Variants in DDX10 observed in about 807,000 individuals in gnomAD.
DDX10 encodes the protein probable ATP-dependent RNA helicase DDX10.
DDX10 carries 74 observed loss-of-function variants against 104.3 expected under a neutral mutation model. The observed-to-expected ratio is 0.71, with a 90% confidence interval of 0.59 to 0.86. DDX10 has a LOEUF of 0.86. Ranked by LOEUF, DDX10 falls within the 40% of genes least tolerant of loss-of-function variation. The pLI is 0.00. For missense variants in DDX10, 952 were observed against 1,040.0 expected, an observed-to-expected ratio of 0.92 and a Z score of 1.16; for synonymous variants, 351 against 353.4, an observed-to-expected ratio of 0.99 and a Z score of 0.08.
At chr11:108,786,172 T>C (rs1176883966) in intron 13 of DDX10, among the ~76,000 whole-genome samples, 1 of 152,130 alleles carries the variant, frequency 6.6e-6, no homozygotes, top group African/African-American at 2.4e-5. Context: ...AGAAATCTTC[T>C]TTATCAATTT....
At chr11:108,788,980 G>A (rs995243139) in intron 13 of DDX10, among the ~76,000 whole-genome samples, 2 of 152,162 alleles carry the variant, frequency 1.3e-5, no homozygotes, top group African/African-American at 4.8e-5. Flanking sequence ...GGCTCTCTCA[G>A]GCAGGGGCAG....
rs1256927615 is a variant in DDX10, at chr11:108,677,338, C to T, written c.537+95C>T. On this transcript the variant is annotated intron_variant, in intron 4 of 17. Transcript: ENST00000322536. ...GGAGGCAGCAGAGACTTCATCTAAA[C>T]AGACTGACCTAGACCAGGGCCTCAT... 17 of 1,159,366 alleles carry T rather than the reference C, an allele frequency of 1.5e-5. No homozygotes were observed. The Admixed American group carries it at 2.0e-4, about 14-fold the overall frequency. 71.8% of individuals were successfully genotyped at this position (1,159,366 alleles called of 1,614,324 possible). A position where few individuals can be genotyped will look rare whatever the true frequency, so the allele number is the denominator to read the frequency against.
chr11:108,675,392 C>T (rs993849225), intron 2 of DDX10, among the ~76,000 whole-genome samples: 18 of 152,096 alleles, frequency 1.2e-4, no homozygotes, highest in Non-Finnish European at 1.8e-4. Context: ...ATAAAGACAC[C>T]GTTTGTGTTG....
At chr11:108,889,533 A>G (rs1863346459) in intron 16 of DDX10, among the ~76,000 whole-genome samples, 1 of 152,072 alleles carries the variant, frequency 6.6e-6, no homozygotes, top group Admixed American at 6.5e-5. Flanking sequence ...TTTGCTTCAG[A>G]TTACTTTTTA....
chr11:108,911,139 C>T (rs541119384), intron 16 of DDX10, among the ~76,000 whole-genome samples: 31 of 152,134 alleles, frequency 2.0e-4, no homozygotes, highest in Non-Finnish European at 3.8e-4. Flanking sequence ...TCTAGAACAG[C>T]TCATTTTGTT....
chr11:108,780,436 C>T (rs1046285130), intron 13 of DDX10, among the ~76,000 whole-genome samples: 7 of 152,070 alleles, frequency 4.6e-5, no homozygotes, highest in Admixed American at 2.0e-4. Context: ...TTTTTCTTCT[C>T]TGTGCTTCCC....
chr11:108,853,895 G>T (rs557255720), intron 16 of DDX10, among the ~76,000 whole-genome samples: 1 of 152,214 alleles, frequency 6.6e-6, no homozygotes, highest in South Asian at 2.1e-4. Context: ...AGAAAGAAGA[G>T]CTGACATGGC....
chr11:108,844,758 T>G (rs1203400315), intron 15 of DDX10, among the ~76,000 whole-genome samples: 5 of 152,166 alleles, frequency 3.3e-5, no homozygotes, highest in Non-Finnish European at 7.3e-5. Flanking sequence ...TGGGACTTAG[T>G]GCCAGATGTC....
chr11:108,841,756 G>A lies in DDX10; in HGVS notation c.2247+280G>A, dbSNP rs1390161463. Among the ~76,000 whole-genome samples, 3 of 152,096 alleles carry A rather than the reference G, an allele frequency of 2.0e-5. No homozygotes were observed. In the East Asian group the frequency reaches 5.8e-4, roughly 29 times the overall value. On this transcript the variant is annotated intron_variant, in intron 15 of 17. Transcript: ENST00000322536. ...GTTATTATTACAGTTTTTATTTTGAGATAATTGTGGTTTCACTTGTAGTTG... is the reference window on the plus strand; with the variant it reads ...GTTATTATTACAGTTTTTATTTTGAAATAATTGTGGTTTCACTTGTAGTTG...
rs538310129 is a variant in DDX10 at position 108,790,671 on chromosome 11, T to C, written c.1966-47775T>C. The stretch of plus-strand genomic sequence containing the variant: ...TGTAGGTGTACTCAGATGCATGCAT[T>C]TGTGGCCAAGACATTTCTGTCATAC... On this transcript the variant is annotated intron_variant, in intron 13 of 17. Transcript: ENST00000322536. Among the ~76,000 whole-genome samples, 4 of 152,318 alleles carry C rather than the reference T, an allele frequency of 2.6e-5. No individual in the cohort carries two copies. In the East Asian group the frequency reaches 5.8e-4, roughly 22 times the overall value.
intron 13 of DDX10, among the ~76,000 whole-genome samples, chr11:108,744,744 A>G (rs563909312): frequency 6.6e-6 from 1 of 152,352 alleles, no homozygotes; most frequent in South Asian, 2.1e-4. Context: ...GTTAAGTGAA[A>G]TGATACAAGA....
At chr11:108,861,748 A>G (rs1047201659) in intron 16 of DDX10, among the ~76,000 whole-genome samples, 5 of 152,174 alleles carry the variant, frequency 3.3e-5, no homozygotes, top group African/African-American at 1.2e-4. Context: ...GTGAAAACTC[A>G]TCAAGCTATA....
chr11:108,738,399 T>G (rs1004825338), intron 13 of DDX10, among the ~76,000 whole-genome samples: 28 of 152,206 alleles, frequency 1.8e-4, no homozygotes, highest in Non-Finnish European at 3.8e-4. Flanking sequence ...CCATTTTATT[T>G]AATAGCTTGA....
At chr11:108,939,898 C>G (rs1213971743) in intron 17 of DDX10, among the ~76,000 whole-genome samples, 1 of 152,188 alleles carries the variant, frequency 6.6e-6, no homozygotes, top group Admixed American at 6.5e-5. Flanking sequence ...ACCTGACTTT[C>G]AGTAGAGGTA....
In DDX10 at chr11:108,680,889, C is replaced by T. The variant is rs538094026; in HGVS notation, c.848+1329C>T. Among the ~76,000 whole-genome samples the T allele has an allele frequency of 3.6e-4, 55 of 152,196 alleles. 1 individual carries two copies. In the South Asian group the frequency reaches 0.011, roughly 31 times the overall value. ...TGGGTGATCTTGGGGAATCTGAGTA[C>T]TGGTATCTTTGACTTTCAAGAACTT... On this transcript the variant is annotated intron_variant, in intron 6 of 17. Coordinates refer to ENST00000322536, the MANE Select transcript of DDX10 (RefSeq NM_004398.4).
At chr11:108,823,046 T>C (rs1208906711) in intron 13 of DDX10, among the ~76,000 whole-genome samples, 1 of 152,148 alleles carries the variant, frequency 6.6e-6, no homozygotes, top group Non-Finnish European at 1.5e-5. Context: ...ACTTTGGGAG[T>C]GAGTAGGTGA....
At chr11:108,792,913 G>A (rs1046046793) in intron 13 of DDX10, among the ~76,000 whole-genome samples, 2 of 152,062 alleles carry the variant, frequency 1.3e-5, no homozygotes, top group African/African-American at 4.8e-5. Flanking sequence ...GTGCTTATTA[G>A]TTGTTTTCAT....
chr11:108,813,081 AAC>A (rs1342999397), intron 13 of DDX10, among the ~76,000 whole-genome samples: 1 of 151,880 alleles, frequency 6.6e-6, no homozygotes, highest in Non-Finnish European at 1.5e-5. Flanking sequence ...TGAAAACAGA[AAC>A]AAATACTATT....
At chr11:108,885,316 G>T (rs1863281395) in intron 16 of DDX10, among the ~76,000 whole-genome samples, 1 of 150,226 alleles carries the variant, frequency 6.7e-6, no homozygotes, top group Non-Finnish European at 1.5e-5. Flanking sequence ...TCACAGTGTG[G>T]TATCATAGGC....
Sources: allele counts gnomAD v4.1 joint callset (sites outside exome capture counted in the v4.1 genomes callset), GRCh38; gene constraint gnomAD v4.1.1; transcripts MANE v1.5; gene names NCBI Gene and HGNC (gene_info 2026-07-23, HGNC 2026-07-21).